RECQL: variants seen among roughly 807,000 people sequenced by gnomAD.
RECQL encodes the protein RecQ like helicase, also known as ATP-dependent DNA helicase Q1.
In RECQL, 73 loss-of-function variants were observed where a neutral mutation model predicts 75.8. The ratio of observed to expected loss-of-function variants is 0.96; its 90% CI spans 0.80 to 1.17. The LOEUF is 1.17. RECQL is among the 50% of genes most tolerant of loss of function. RECQL has a pLI of 0.00. For missense variants in RECQL, 699 were observed against 772.1 expected (o/e 0.91, Z 1.12); for synonymous variants, 248 against 254.4 (o/e 0.97, Z 0.24).
intron 5 of RECQL, 150 bp downstream of exon 5, chr12:21,486,329 C>T: frequency 1.1e-6 from 1 of 892,542 alleles, no homozygotes; most frequent in Non-Finnish European, 1.5e-6. Flanking sequence ...CAAAAATAGA[C>T]AGTGGGCCAG....
chr12:21,488,310 T>A (rs1281097992), intron 4 of RECQL, among the ~76,000 whole-genome samples: 1 of 152,206 alleles, frequency 6.6e-6, no homozygotes, highest in African/African-American at 2.4e-5. Context: ...ATCCTATATG[T>A]TGCTACTCTT....
At position 21,490,364 on chromosome 12, in the gene RECQL, C is replaced by T. The variant is rs370761488; in HGVS notation, c.229G>A (p.Gly77Ser). 9 of 1,607,970 alleles carry T rather than the reference C, an allele frequency of 5.6e-6. No individual in the cohort carries two copies. The African/African-American group carries it at 6.7e-5, about 12-fold the overall frequency. The change falls in exon 4 of 15, where the codon GGT becomes AGT. Residue 77 changes from glycine to serine, a missense_variant. Transcript: ENST00000444129. The part of the protein sequence containing the change: ...AWNKEDFPWS[G>S]KVKDILQNVF... ...TTTTGCAGAATATCTTTAACTTTAC[C>T]AGACCATGGAAAATCTAGGAAAAGA...
At chr12:21,494,298 G>A (rs1311685125) in intron 2 of RECQL, among the ~76,000 whole-genome samples, 1 of 152,180 alleles carries the variant, frequency 6.6e-6, no homozygotes, top group Non-Finnish European at 1.5e-5. Flanking sequence ...AACACTGGAG[G>A]TCACATTTCA....
Position 21,473,555 on chromosome 12 carries a change from G to T in RECQL, c.1443C>A (p.Asp481Glu). Residue 481 changes from aspartate (D) to glutamate (E), a missense_variant, in exon 12 of 15, where the codon GAC (aspartate) becomes GAA (glutamate). This residue lies in a region of RECQL where 669 missense variants were observed against 713.5 expected (regional missense o/e 0.94). Coordinates refer to ENST00000444129, the MANE Select transcript of RECQL (RefSeq NM_002907.4). Reference protein sequence around the residue: ...CNKMCDNCCKDSAFERKNITE... With the variant: ...CNKMCDNCCKESAFERKNITE... Reference sequence around the variant, plus strand: ...TTTACAAAACAACAAACTCACCACTGTCTTTACAGCAGTTATCGCACATTT... The same window carrying T: ...TTTACAAAACAACAAACTCACCACTTTCTTTACAGCAGTTATCGCACATTT... The T allele has an allele frequency of 1.2e-6, 2 of 1,611,250 alleles. No homozygotes were observed. The highest frequency in any genetic ancestry group is 1.3e-5 in the African/African-American group (1 of 74,934).
chr12:21,484,048 A>G (rs1260490222), intron 5 of RECQL, among the ~76,000 whole-genome samples: 1 of 152,130 alleles, frequency 6.6e-6, no homozygotes, highest in Non-Finnish European at 1.5e-5. Flanking sequence ...TAATCTCTTT[A>G]TTTAAATATA....
intron 3 of RECQL, among the ~76,000 whole-genome samples, chr12:21,490,584 C>A: frequency 6.6e-6 from 1 of 152,098 alleles, no homozygotes; most frequent in East Asian, 1.9e-4. Context: ...GTGGCTCATG[C>A]CTATAATCTC....
chr12:21,473,511 CTG>C (rs2137327517), intron 12 of RECQL, 38 bp downstream of exon 12: 3 of 1,445,040 alleles, frequency 2.1e-6, no homozygotes, highest in Non-Finnish European at 2.9e-6. Context: ...GGCATTATGA[CTG>C]TATTAGCCTA....
At chr12:21,484,940 C>T (rs1943261393) in intron 5 of RECQL, among the ~76,000 whole-genome samples, 1 of 151,894 alleles carries the variant, frequency 6.6e-6, no homozygotes, top group South Asian at 2.1e-4. Flanking sequence ...TTTCATCATG[C>T]AGAGTTAATG....
Position 21,490,312 on chromosome 12 carries a change from G to C in RECQL, c.281C>G (p.Pro94Arg). The change falls in exon 4 of 15, where the codon CCA (proline) becomes CGA (arginine). Residue 94 changes from proline (P) to arginine (R), a missense_variant. By Grantham distance (103) the Pro-to-Arg change is moderately radical. This residue lies in a region of RECQL where 669 missense variants were observed against 713.5 expected (regional missense o/e 0.94). Coordinates refer to ENST00000444129, the MANE Select transcript of RECQL (RefSeq NM_002907.4). ...QNVFKLEKFR[P>R]LQLETINVTM... ...TACGTTAATAGTTTCAAGCTGAAGT[G>C]GTCTGAACTTTTCCAGTTTAAAGAC... The C allele has an allele frequency of 6.2e-7, 1 of 1,612,210 alleles. No individual in the cohort carries two copies. Among genetic ancestry groups the C allele is most frequent in the Non-Finnish European group, 8.5e-7 (1 of 1,178,652 alleles).
chr12:21,493,441 G>A (rs1009271809), intron 2 of RECQL, among the ~76,000 whole-genome samples: 2 of 152,016 alleles, frequency 1.3e-5, no homozygotes, highest in African/African-American at 4.8e-5. Flanking sequence ...TCTGCATTAA[G>A]GGACCTCAAA....
At chr12:21,473,344 C>T (rs376379027) in intron 12 of RECQL, among the ~76,000 whole-genome samples, 1 of 152,058 alleles carries the variant, frequency 6.6e-6, no homozygotes, top group East Asian at 1.9e-4. Flanking sequence ...GTATGCAGTA[C>T]AGTAACACGC....
At position 21,469,374 on chromosome 12, in the gene RECQL, A is replaced by AT. The variant is rs1004442998; in HGVS notation, c.*819dup. ...CTTAAAACATGAGATTTTTCTTGCA[A>AT]TTTTTTTTTTTTTAAGCTCATCAGC... is the stretch of plus-strand genomic sequence containing the variant. On this transcript the variant is annotated 3_prime_UTR_variant, in exon 15 of 15. Coordinates refer to ENST00000444129, the MANE Select transcript of RECQL (RefSeq NM_002907.4). The AT allele has an allele frequency of 9.6e-4, 140 of 145,478 alleles. No individual in the cohort carries two copies. Among genetic ancestry groups the AT allele is most frequent in the Admixed American group, 9.0e-4 (13 of 14,476 alleles). The allele number at this position is 145,478 out of a possible 1,614,324, so 9.0% of individuals were successfully genotyped here.
Position 21,470,058 on chromosome 12 carries a change from A to T in RECQL, c.*136T>A. ...CATTCTCAAAAGTTTAGATCTTCAGAGATAAGCTCTGAAAATATAGATCCA... is the reference window on the plus strand; with the variant it reads ...CATTCTCAAAAGTTTAGATCTTCAGTGATAAGCTCTGAAAATATAGATCCA... On this transcript the variant is annotated 3_prime_UTR_variant, in exon 15 of 15. Coordinates refer to ENST00000444129, the MANE Select transcript of RECQL (RefSeq NM_002907.4). 3 of 662,688 alleles carry T rather than the reference A, an allele frequency of 4.5e-6. No individual in the cohort carries two copies. Among genetic ancestry groups the T allele is most frequent in the Admixed American group, 7.4e-5 (2 of 26,970 alleles). The allele number at this position is 662,688 out of a possible 1,614,324, so 41.1% of individuals were successfully genotyped here. A position where few individuals can be genotyped will look rare whatever the true frequency, so the allele number is the denominator to read the frequency against.
intron 8 of RECQL, among the ~76,000 whole-genome samples, chr12:21,476,076 T>C (rs1160999517): frequency 1.3e-5 from 2 of 152,078 alleles, no homozygotes; most frequent in Admixed American, 6.5e-5. Context: ...TCTTTAACTT[T>C]ATCTCCCACT....
At chr12:21,491,949 TC>T (rs1943423377) in intron 2 of RECQL, among the ~76,000 whole-genome samples, 1 of 152,174 alleles carries the variant, frequency 6.6e-6, no homozygotes, top group South Asian at 2.1e-4. Context: ...CCATTTCCCT[TC>T]CTGTAAAATG....
intron 5 of RECQL, among the ~76,000 whole-genome samples, chr12:21,484,188 T>A (rs913390379): frequency 6.6e-6 from 1 of 152,086 alleles, no homozygotes; most frequent in Non-Finnish European, 1.5e-5. Context: ...TAGATGTCAT[T>A]TTTTTTCCTT....
intron 5 of RECQL, 67 bp from the exon 6 acceptor site, chr12:21,483,641 T>A (rs1192328622): frequency 8.7e-7 from 1 of 1,149,376 alleles, no homozygotes; most frequent in African/African-American, 1.6e-5. Flanking sequence ...TACTAGGTGG[T>A]AAATGAAAAC....
In RECQL at chr12:21,476,915, T is replaced by C; in HGVS notation, c.945A>G (p.Gln315=). ...GTTGGTTTGTTTTTACATTACCTGA[T>C]TGCCCTTTGTATCTCCCATTAATGA... is the stretch of plus-strand genomic sequence containing the variant. ...VKLINGRYKG[Q]SGIIYCFSQK... The change falls in exon 8 of 15, where the codon CAA becomes CAG. Residue 315 remains glutamine (Q), a synonymous_variant. Coordinates refer to ENST00000444129, the MANE Select transcript of RECQL (RefSeq NM_002907.4). 6.2e-7 allele frequency: 1 copy of C among 1,604,874 alleles called. No homozygotes were observed. The highest frequency in any genetic ancestry group is 8.5e-7 in the Non-Finnish European group (1 of 1,175,178).
At chr12:21,495,945 C>T (rs1943499705) in intron 2 of RECQL, among the ~76,000 whole-genome samples, 1 of 152,146 alleles carries the variant, frequency 6.6e-6, no homozygotes, top group African/African-American at 2.4e-5. Flanking sequence ...ATACTGAGAA[C>T]AGATATATTC....
Sources: gnomAD v4.1 joint callset for allele counts (sites outside exome capture counted in the v4.1 genomes callset) on GRCh38, gnomAD v4.1.1 for gene constraint, gnomAD v4.1.1 regional missense constraint, MANE v1.5 for transcripts, NCBI Gene and HGNC (gene_info 2026-07-23, HGNC 2026-07-21) for gene names.